The following ALPL variants were observed in gnomAD, a reference collection of about 807,000 sequenced individuals.
The protein encoded by ALPL is alkaline phosphatase, biomineralization associated.
In ALPL, 42 loss-of-function variants were observed where a neutral mutation model predicts 51.3. That is an observed-to-expected ratio of 0.82 (90% CI 0.64 to 1.06). ALPL has a LOEUF of 1.06. ALPL is among the 50% of genes least tolerant of loss of function. The pLI is 0.00. For synonymous variants in ALPL, 279 were observed against 296.4 expected, an observed-to-expected ratio of 0.94 and a Z score of 0.60; for missense variants, 589 against 709.4, an observed-to-expected ratio of 0.83 and a Z score of 1.93.
At chr1:21,552,104 TTTCC>T (rs1644334526) in intron 1 of ALPL, among the ~76,000 whole-genome samples, 1 of 6,584 alleles carries the variant, frequency 1.5e-4, no homozygotes, top group Non-Finnish European at 2.7e-4. Flanking sequence ...TTCCCTTCCC[TTTCC>T]TCCCCTTCCC....
At chr1:21,549,200 G>A (rs963940385) in intron 1 of ALPL, among the ~76,000 whole-genome samples, 2 of 150,248 alleles carry the variant, frequency 1.3e-5, no homozygotes, top group Non-Finnish European at 3.0e-5. Context: ...CTGTCACATC[G>A]TTTTCTGTGA....
In ALPL at chr1:21,522,598, C is replaced by T. The variant is rs572718982; in HGVS notation, c.-105+13081C>T. On this transcript the variant is annotated intron_variant, in intron 1 of 11. Coordinates refer to ENST00000374840, the MANE Select transcript of ALPL (RefSeq NM_000478.6). The stretch of plus-strand genomic sequence containing the variant: ...ACCAGCCTCCTCCCATAACACACAC[C>T]TCACGCCCCAGATCCTAGGCTTAGA... 3.3e-5 allele frequency among the ~76,000 whole-genome samples: 5 copies of T among 152,268 alleles called. No homozygotes were observed. The East Asian group carries it at 9.6e-4, about 29-fold the overall frequency.
At chr1:21,558,472 G>A (rs1570264065) in intron 2 of ALPL, among the ~76,000 whole-genome samples, 1 of 152,240 alleles carries the variant, frequency 6.6e-6, no homozygotes, top group East Asian at 1.9e-4. Context: ...GACCTCTGAG[G>A]AAAACCTCTG....
intron 2 of ALPL, among the ~76,000 whole-genome samples, chr1:21,556,843 G>A (rs1187221129): frequency 6.6e-6 from 1 of 152,172 alleles, no homozygotes; most frequent in Non-Finnish European, 1.5e-5. Flanking sequence ...GGAGGCTGAG[G>A]CAGGAGAATC....
intron 1 of ALPL, among the ~76,000 whole-genome samples, chr1:21,512,139 G>C (rs1364738691): frequency 6.6e-6 from 1 of 152,192 alleles, no homozygotes; most frequent in East Asian, 1.9e-4. Flanking sequence ...GTGGCCACAG[G>C]AATGCTGACT....
intron 1 of ALPL, among the ~76,000 whole-genome samples, chr1:21,524,754 C>T (rs1246069379): frequency 6.6e-6 from 1 of 152,206 alleles, no homozygotes; most frequent in Non-Finnish European, 1.5e-5. Flanking sequence ...ATAGCAGGAA[C>T]AGACTGTGTG....
chr1:21,555,929 C>T (rs994631671), intron 2 of ALPL, among the ~76,000 whole-genome samples: 2 of 151,478 alleles, frequency 1.3e-5, no homozygotes, highest in Non-Finnish European at 2.9e-5. Context: ...CGCCACCACG[C>T]GCAGCTAATT....
At chr1:21,554,815 GTCTTTCTT>G (rs60858822) in intron 2 of ALPL, among the ~76,000 whole-genome samples, 1,337 of 83,618 alleles carry the variant, frequency 0.016, 10 homozygotes, top group African/African-American at 0.031. Flanking sequence ...CTGTCTGTCT[GTCTTTCTT>G]TCTTTCTTTC....
intron 1 of ALPL, among the ~76,000 whole-genome samples, chr1:21,510,266 C>G (rs745479871): frequency 5.9e-5 from 9 of 152,174 alleles, no homozygotes; most frequent in Non-Finnish European, 1.0e-4. Context: ...GGCAGGAGGC[C>G]GAGGAAAGCC....
intron 1 of ALPL, among the ~76,000 whole-genome samples, chr1:21,552,533 A>G (rs889128191): frequency 2.0e-5 from 3 of 152,040 alleles, no homozygotes; most frequent in Non-Finnish European, 4.4e-5. Context: ...TGGAGCTGCA[A>G]AGAGAAGAAT....
In ALPL at chr1:21,554,048, G is replaced by A; in HGVS notation, c.-34G>A. On this transcript the variant is annotated 5_prime_UTR_variant, in exon 2 of 12. Transcript: ENST00000374840. ...CCCACCCACGTCGATTGCATCTCTG[G>A]GCTCCAGGGATAAAGCAGGTCTTGG... 1.9e-6 allele frequency: 3 copies of A among 1,599,468 alleles called. No individual in the cohort carries two copies. Among genetic ancestry groups the A allele is most frequent in the Non-Finnish European group, 2.6e-6 (3 of 1,167,930 alleles).
At chr1:21,552,105 T>TCCCCCCCCCC (rs1558542001) in intron 1 of ALPL, among the ~76,000 whole-genome samples, 12 of 22,840 alleles carry the variant, frequency 5.3e-4, no homozygotes, top group Non-Finnish European at 5.6e-4. Context: ...TCCCTTCCCT[T>TCCCCCCCCCC]TCCTCCCCTT....
In ALPL at chr1:21,575,855, G is replaced by T; in HGVS notation, c.1120G>T (p.Val374Leu). The change falls in exon 10 of 12, where the codon GTG (valine) becomes TTG (leucine). Residue 374 changes from valine (V) to leucine (L), a missense_variant. Val to Leu is a conservative substitution (Grantham distance 32). Transcript: ENST00000374840. ...GACCTCCTCGGAAGACACTCTGACCGTGGTCACTGCGGACCATTCCCACGT... is the reference window on the plus strand; with the variant it reads ...GACCTCCTCGGAAGACACTCTGACCTTGGTCACTGCGGACCATTCCCACGT... Reference protein sequence around the residue: ...SLTSSEDTLTVVTADHSHVFT... With the variant: ...SLTSSEDTLTLVTADHSHVFT... 6.2e-7 allele frequency: 1 copy of T among 1,614,242 alleles called. No homozygotes were observed. Among genetic ancestry groups the T allele is most frequent in the Non-Finnish European group, 8.5e-7 (1 of 1,180,050 alleles).
chr1:21,573,129 G>A (rs1452979170), intron 8 of ALPL, among the ~76,000 whole-genome samples: 1 of 152,188 alleles, frequency 6.6e-6, no homozygotes, highest in African/African-American at 2.4e-5. Flanking sequence ...CATAGTGGTG[G>A]GAATGAAAAT....
At chr1:21,575,615 C>T (rs116835106) in intron 9 of ALPL, 118 bp from the exon 10 acceptor site, 16,544 of 1,258,630 alleles carry the variant, frequency 0.013, 149 homozygotes, top group South Asian at 0.028. Context: ...TGGTGCCCGG[C>T]GAAGGTTCCT....
intron 1 of ALPL, among the ~76,000 whole-genome samples, chr1:21,526,458 C>A (rs569024358): frequency 1.3e-5 from 2 of 152,176 alleles, no homozygotes; most frequent in Admixed American, 1.3e-4. Flanking sequence ...TAATTTTTAA[C>A]CTTTTTTGCT....
intron 6 of ALPL, among the ~76,000 whole-genome samples, chr1:21,565,169 GC>G (rs1171013934): frequency 6.6e-6 from 1 of 152,052 alleles, no homozygotes; most frequent in Non-Finnish European, 1.5e-5. Context: ...TCCATGCACT[GC>G]CCCCCACAAA....
chr1:21,577,553 C>T lies in ALPL; in HGVS notation c.1480C>T (p.Leu494Phe), dbSNP rs772080508. The part of the protein sequence containing the change: ...MAYAACIGAN[L>F]GHCAPASSAG... ...GTATGCAGCCTGCATCGGGGCCAAC[C>T]TCGGCCACTGTGCTCCTGCCAGCTC... The change falls in exon 12 of 12, where the codon CTC (leucine) becomes TTC (phenylalanine). Residue 494 changes from leucine to phenylalanine, a missense_variant. Leu to Phe is a conservative substitution (Grantham distance 22). Coordinates refer to ENST00000374840, the MANE Select transcript of ALPL (RefSeq NM_000478.6). 1.2e-6 allele frequency: 2 copies of T among 1,605,088 alleles called. No homozygotes were observed. Among genetic ancestry groups the T allele is most frequent in the Admixed American group, 1.7e-5 (1 of 60,002 alleles).
chr1:21,563,303 G>A lies in ALPL; in HGVS notation c.472+19G>A. 1.1e-5 allele frequency: 18 copies of A among 1,603,074 alleles called. No homozygotes were observed. Among genetic ancestry groups the A allele is most frequent in the Non-Finnish European group, 1.5e-5 (18 of 1,173,226 alleles). On this transcript the variant is annotated intron_variant, in intron 5 of 11. Transcript: ENST00000374840. ...GACGCTGGTGAGTCGGGGGAGCAGT[G>A]GGGAGCAGGGCCAGCTTCGTGGCCT...
Sources: gnomAD v4.1 joint callset for allele counts (sites outside exome capture counted in the v4.1 genomes callset) on GRCh38, gnomAD v4.1.1 for gene constraint, MANE v1.5 for transcripts, NCBI Gene and HGNC (gene_info 2026-07-23, HGNC 2026-07-21) for gene names.